KCNA5: variants seen among roughly 807,000 people sequenced by gnomAD.
The protein encoded by KCNA5 is potassium voltage-gated channel subfamily A member 5.
KCNA5 carries 22 observed loss-of-function variants against 26.5 expected under a neutral mutation model. That is an observed-to-expected ratio of 0.83 (90% CI 0.59 to 1.18). KCNA5 has a LOEUF of 1.18. Ranked by LOEUF, KCNA5 falls within the 50% of genes most tolerant of loss-of-function variation. The probability of loss-of-function intolerance (pLI) is 0.00; values close to 1 mark genes in which losing one functional copy is unlikely to be tolerated. For missense variants in KCNA5, 916 were observed against 843.2 expected (o/e 1.09, Z -1.07); for synonymous variants, 465 against 372.8 (o/e 1.25, Z -2.85).
Position 5,045,518 on chromosome 12 carries a change from T to A in KCNA5, c.1371T>A (p.Ala457=). 6.2e-7 allele frequency: 1 copy of A among 1,614,212 alleles called. No homozygotes were observed. Among genetic ancestry groups the A allele is most frequent in the Non-Finnish European group, 8.5e-7 (1 of 1,180,032 alleles). The change falls in exon 1 of 1, where the codon GCT becomes GCA. Residue 457 remains alanine, a synonymous_variant. Coordinates refer to ENST00000252321, the MANE Select transcript of KCNA5 (RefSeq NM_002234.4). This position sits in a 1 kb window ranked among gnomAD's most constrained non-coding sequence, Gnocchi z 5.6. The part of the protein sequence containing the change: ...LFSSAVYFAE[A]DNQGTHFSSI... ...CCAGTGCCGTCTACTTCGCAGAGGC[T>A]GACAACCAGGGAACCCATTTCTCTA...
rs2137774580 is a variant in KCNA5 at position 5,046,445 on chromosome 12, A to C, written c.*456A>C. ...TGGCTTTTTGTACTGTAGTTCAGAT[A>C]GAGATATTTTGGGTATATTTTCAAG... is the stretch of plus-strand genomic sequence containing the variant. On this transcript the variant is annotated 3_prime_UTR_variant, in exon 1 of 1. Coordinates refer to ENST00000252321, the MANE Select transcript of KCNA5 (RefSeq NM_002234.4). 1 of 211,766 alleles carries C rather than the reference A, an allele frequency of 4.7e-6. No individual in the cohort carries two copies. Among genetic ancestry groups the C allele is most frequent in the Admixed American group, 5.3e-5 (1 of 19,006 alleles). 13.1% of individuals were successfully genotyped at this position (211,766 alleles called of 1,614,324 possible).
At position 5,044,084 on chromosome 12, in the gene KCNA5, G is replaced by A. The variant is rs1349127341; in HGVS notation, c.-64G>A. On this transcript the variant is annotated 5_prime_UTR_variant, in exon 1 of 1. Transcript: ENST00000252321. ...CGGAGCCTGACGCCAGGCGCCCGCG[G>A]AGCGTGAGTAGGGGGCGCGGGAGCC... 4 of 1,517,912 alleles carry A rather than the reference G, an allele frequency of 2.6e-6. No individual in the cohort carries two copies. Among genetic ancestry groups the A allele is most frequent in the East Asian group, 2.5e-5 (1 of 40,734 alleles). 94.0% of individuals were successfully genotyped at this position (1,517,912 alleles called of 1,614,324 possible).
rs1322298734 is a variant in KCNA5, at chr12:5,044,002, G to A, written c.-146G>A. On this transcript the variant is annotated 5_prime_UTR_variant, in exon 1 of 1. Coordinates refer to ENST00000252321, the MANE Select transcript of KCNA5 (RefSeq NM_002234.4). ...GCTTCTTGACGTCAGGGCCAAGCGA[G>A]GGGATCGCGCCAGCAACCCCAGCTC... The A allele has an allele frequency of 3.7e-6, 3 of 814,500 alleles. No homozygotes were observed. The highest frequency in any genetic ancestry group is 2.5e-5 in the Admixed American group (1 of 39,548). 50.5% of individuals were successfully genotyped at this position (814,500 alleles called of 1,614,324 possible). A position where few individuals can be genotyped will look rare whatever the true frequency, so the allele number is the denominator to read the frequency against.
rs1200115373 is a variant in KCNA5, at chr12:5,044,562, G to A, written c.415G>A (p.Ala139Thr). 2 of 1,613,868 alleles carry A rather than the reference G, an allele frequency of 1.2e-6. No homozygotes were observed. The highest frequency in any genetic ancestry group is 1.3e-5 in the African/African-American group (1 of 74,952). The change falls in exon 1 of 1, where the codon GCG becomes ACG. Residue 139 changes from alanine to threonine, a missense_variant. By Grantham distance (58) the Ala-to-Thr change is moderately conservative (BLOSUM62 0). Coordinates refer to ENST00000252321, the MANE Select transcript of KCNA5 (RefSeq NM_002234.4). Reference sequence around the variant, plus strand: ...CTTTGAGACGCAGCTGGGCACCCTGGCGCAGTTCCCCAACACACTCCTGGG... The same window carrying A: ...CTTTGAGACGCAGCTGGGCACCCTGACGCAGTTCCCCAACACACTCCTGGG... ...LRFETQLGTL[A>T]QFPNTLLGDP...
chr12:5,044,083 G>A lies in KCNA5; in HGVS notation c.-65G>A, dbSNP rs1431189649. On this transcript the variant is annotated 5_prime_UTR_variant, in exon 1 of 1. Transcript: ENST00000252321. ...GCGGAGCCTGACGCCAGGCGCCCGC[G>A]GAGCGTGAGTAGGGGGCGCGGGAGC... 3 of 1,519,298 alleles carry A rather than the reference G, an allele frequency of 2.0e-6. No individual in the cohort carries two copies. Among genetic ancestry groups the A allele is most frequent in the African/African-American group, 2.8e-5 (2 of 72,542 alleles). 94.1% of individuals were successfully genotyped at this position (1,519,298 alleles called of 1,614,324 possible).
Position 5,045,953 on chromosome 12 carries a change from C to G in KCNA5, c.1806C>G (p.Ala602=). 6.2e-7 allele frequency: 1 copy of G among 1,613,642 alleles called. No homozygotes were observed. The highest frequency in any genetic ancestry group is 8.5e-7 in the Non-Finnish European group (1 of 1,180,032). The change falls in exon 1 of 1, where the codon GCC becomes GCG. Residue 602 remains alanine, a synonymous_variant. Coordinates refer to ENST00000252321, the MANE Select transcript of KCNA5 (RefSeq NM_002234.4). The surrounding 1 kb of genome is among the most constrained non-coding windows in gnomAD (Gnocchi z 5.6). ...TGGACTTGCGGAGGTCCCTTTATGC[C>G]CTCTGCCTGGACACCAGCCGGGAAA... The part of the protein sequence containing the change: ...SNVDLRRSLY[A]LCLDTSRETD...
Position 5,044,043 on chromosome 12 carries a change from C to T in KCNA5, c.-105C>T. On this transcript the variant is annotated 5_prime_UTR_variant, in exon 1 of 1. Transcript: ENST00000252321. ...ACCCCAGCTCTCCCCAGAGAGGGGC[C>T]GGCCGACCGCTGGAGCGGAGCCTGA... The T allele has an allele frequency of 7.6e-7, 1 of 1,323,618 alleles. No homozygotes were observed. The highest frequency in any genetic ancestry group is 1.0e-6 in the Non-Finnish European group (1 of 964,228). The allele number at this position is 1,323,618 out of a possible 1,614,324, so 82.0% of individuals were successfully genotyped here.
Position 5,045,516 on chromosome 12 carries a change from G to C in KCNA5, c.1369G>C (p.Ala457Pro). ...CTCCAGTGCCGTCTACTTCGCAGAGGCTGACAACCAGGGAACCCATTTCTC... is the reference window on the plus strand; with the variant it reads ...CTCCAGTGCCGTCTACTTCGCAGAGCCTGACAACCAGGGAACCCATTTCTC... ...LFSSAVYFAEADNQGTHFSSI... is the reference protein window; with the variant it reads ...LFSSAVYFAEPDNQGTHFSSI... The change falls in exon 1 of 1, where the codon GCT (alanine) becomes CCT (proline). Residue 457 changes from alanine (A) to proline (P), a missense_variant. By Grantham distance (27) the Ala-to-Pro change is conservative. Coordinates refer to ENST00000252321, the MANE Select transcript of KCNA5 (RefSeq NM_002234.4). This position sits in a 1 kb window ranked among gnomAD's most constrained non-coding sequence, Gnocchi z 5.6. 6.2e-7 allele frequency: 1 copy of C among 1,614,196 alleles called. No homozygotes were observed. Among genetic ancestry groups the C allele is most frequent in the Non-Finnish European group, 8.5e-7 (1 of 1,180,044 alleles).
chr12:5,045,233 G>T lies in KCNA5; in HGVS notation c.1086G>T (p.Val362=), dbSNP rs1490193202. ...GGAACATCATGAACATCATCGATGTGGTGGCCATCTTCCCCTACTTCATCA... is the reference window on the plus strand; with the variant it reads ...GGAACATCATGAACATCATCGATGTTGTGGCCATCTTCCCCTACTTCATCA... ...FSRNIMNIID[V]VAIFPYFITL... Residue 362 remains valine (V), a synonymous_variant, in exon 1 of 1, where the codon GTG becomes GTT. Coordinates refer to ENST00000252321, the MANE Select transcript of KCNA5 (RefSeq NM_002234.4). This position sits in a 1 kb window ranked among gnomAD's most constrained non-coding sequence, Gnocchi z 5.6. The T allele has an allele frequency of 6.2e-7, 1 of 1,614,072 alleles. No homozygotes were observed. The highest frequency in any genetic ancestry group is 8.5e-7 in the Non-Finnish European group (1 of 1,180,044).
At position 5,045,265 on chromosome 12, in the gene KCNA5, G is replaced by T. The variant is rs1219418345; in HGVS notation, c.1118G>T (p.Gly373Val). The part of the protein sequence containing the change: ...VAIFPYFITL[G>V]TELAEQQPGG... The stretch of plus-strand genomic sequence containing the variant: ...ATCTTCCCCTACTTCATCACCCTGG[G>T]CACCGAACTGGCAGAGCAGCAGCCA... The change falls in exon 1 of 1, where the codon GGC becomes GTC. Residue 373 changes from glycine to valine, a missense_variant. Physicochemically the swap from Gly to Val is moderately radical, Grantham distance 109. Transcript: ENST00000252321. This position sits in a 1 kb window ranked among gnomAD's most constrained non-coding sequence, Gnocchi z 5.6. 1 of 1,614,222 alleles carries T rather than the reference G, an allele frequency of 6.2e-7. No homozygotes were observed. Among genetic ancestry groups the T allele is most frequent in the Admixed American group, 1.7e-5 (1 of 60,034 alleles).
chr12:5,045,923 C>G lies in KCNA5; in HGVS notation c.1776C>G (p.Ser592Arg). 2 of 1,613,972 alleles carry G rather than the reference C, an allele frequency of 1.2e-6. No homozygotes were observed. Among genetic ancestry groups the G allele is most frequent in the South Asian group, 2.2e-5 (2 of 91,076 alleles). ...AGAAGTGTAACGTCAAGGCCAAGAGCAACGTGGACTTGCGGAGGTCCCTTT... is the reference window on the plus strand; with the variant it reads ...AGAAGTGTAACGTCAAGGCCAAGAGGAACGTGGACTTGCGGAGGTCCCTTT... ...PLEKCNVKAKSNVDLRRSLYA... is the reference protein window; with the variant it reads ...PLEKCNVKAKRNVDLRRSLYA... Residue 592 changes from serine to arginine, a missense_variant, in exon 1 of 1, where the codon AGC becomes AGG. Ser to Arg is a moderately radical substitution (Grantham distance 110). Transcript: ENST00000252321. The surrounding 1 kb of genome is among the most constrained non-coding windows in gnomAD (Gnocchi z 5.6).
chr12:5,046,102 C>T lies in KCNA5; in HGVS notation c.*113C>T. On this transcript the variant is annotated 3_prime_UTR_variant, in exon 1 of 1. Transcript: ENST00000252321. ...GAAGTCACACTGTAACCTCAGTCTA[C>T]CCCTCTCCTTTCACTCCTTTCCTCC... 1 of 1,288,158 alleles carries T rather than the reference C, an allele frequency of 7.8e-7. No individual in the cohort carries two copies. Among genetic ancestry groups the T allele is most frequent in the Non-Finnish European group, 1.1e-6 (1 of 906,902 alleles). The allele number at this position is 1,288,158 out of a possible 1,614,324, so 79.8% of individuals were successfully genotyped here.
Position 5,045,582 on chromosome 12 carries a change from A to T in KCNA5, c.1435A>T (p.Thr479Ser). ...CTTCTGGTGGGCAGTGGTCACCATG[A>T]CCACTGTGGGCTACGGGGACATGAG... ...DAFWWAVVTM[T>S]TVGYGDMRPI... Residue 479 changes from threonine to serine, a missense_variant, in exon 1 of 1, where the codon ACC (threonine) becomes TCC (serine). By Grantham distance (58) the Thr-to-Ser change is moderately conservative. Transcript: ENST00000252321. This position sits in a 1 kb window ranked among gnomAD's most constrained non-coding sequence, Gnocchi z 5.6. 6.2e-7 allele frequency: 1 copy of T among 1,614,156 alleles called. No homozygotes were observed. The highest frequency in any genetic ancestry group is 8.5e-7 in the Non-Finnish European group (1 of 1,180,016).
Position 5,044,838 on chromosome 12 carries a change from G to C in KCNA5, c.691G>C (p.Glu231Gln). 1.2e-6 allele frequency: 2 copies of C among 1,614,042 alleles called. No homozygotes were observed. Among genetic ancestry groups the C allele is most frequent in the Non-Finnish European group, 1.7e-6 (2 of 1,180,028 alleles). Residue 231 changes from glutamate to glutamine, a missense_variant, in exon 1 of 1, where the codon GAG becomes CAG. Physicochemically the swap from Glu to Gln is conservative, Grantham distance 29. Transcript: ENST00000252321. ...AGAGGAGAAGCCCCTGCCCCGCAAC[G>C]AGTTCCAGCGCCAGGTGTGGCTTAT... ...KEEEKPLPRN[E>Q]FQRQVWLIFE...
chr12:5,044,210 G>A lies in KCNA5; in HGVS notation c.63G>A (p.Glu21=). ...GGAMTVRGGD[E]ARAGCGQATG... ...CCATGACCGTCAGAGGAGGCGATGA[G>A]GCCCGGGCAGGCTGCGGCCAGGCCA... Residue 21 remains glutamate, a synonymous_variant, in exon 1 of 1, where the codon GAG becomes GAA. Transcript: ENST00000252321. 6.5e-7 allele frequency: 1 copy of A among 1,537,788 alleles called. No individual in the cohort carries two copies. The highest frequency in any genetic ancestry group is 1.2e-5 in the South Asian group (1 of 84,040).
Position 5,044,257 on chromosome 12 carries a change from C to T in KCNA5, c.110C>T (p.Pro37Leu), listed in dbSNP as rs941518325. The T allele has an allele frequency of 1.9e-6, 3 of 1,540,886 alleles. No individual in the cohort carries two copies. The highest frequency in any genetic ancestry group is 2.6e-6 in the Non-Finnish European group (3 of 1,148,864). ...GCCACAGGGGGAGAGCTCCAGTGTC[C>T]CCCGACGGCTGGGCTCAGCGATGGG... ...GQATGGELQC[P>L]PTAGLSDGPK... is the part of the protein sequence containing the mutation. Residue 37 changes from proline to leucine, a missense_variant, in exon 1 of 1, where the codon CCC (proline) becomes CTC (leucine). Pro to Leu is a moderately conservative substitution (Grantham distance 98, BLOSUM62 -3). Transcript: ENST00000252321.
chr12:5,043,913 G>T lies in KCNA5; in HGVS notation c.-235G>T. ...CGGCTGAAGGTTGCATCTGCTGGAA[G>T]GAGGCTTTTCGGCTGCTTGGTAACG... On this transcript the variant is annotated 5_prime_UTR_variant, in exon 1 of 1. The change creates a new upstream start codon in the 5' untranslated region. Coordinates refer to ENST00000252321, the MANE Select transcript of KCNA5 (RefSeq NM_002234.4). 1.8e-6 allele frequency: 1 copy of T among 567,496 alleles called. No homozygotes were observed. The highest frequency in any genetic ancestry group is 3.1e-6 in the Non-Finnish European group (1 of 322,484). 35.2% of individuals were successfully genotyped at this position (567,496 alleles called of 1,614,324 possible).
In KCNA5 at chr12:5,044,021, C is replaced by T. The variant is rs951169066; in HGVS notation, c.-127C>T. 1.2e-5 allele frequency: 12 copies of T among 1,035,486 alleles called. No homozygotes were observed. The highest frequency in any genetic ancestry group is 1.5e-5 in the Non-Finnish European group (11 of 713,090). The allele number at this position is 1,035,486 out of a possible 1,614,324, so 64.1% of individuals were successfully genotyped here. A position where few individuals can be genotyped will look rare whatever the true frequency, so the allele number is the denominator to read the frequency against. On this transcript the variant is annotated 5_prime_UTR_variant, in exon 1 of 1. Transcript: ENST00000252321. ...AAGCGAGGGGATCGCGCCAGCAACCCCAGCTCTCCCCAGAGAGGGGCCGGC... is the reference window on the plus strand; with the variant it reads ...AAGCGAGGGGATCGCGCCAGCAACCTCAGCTCTCCCCAGAGAGGGGCCGGC...
At position 5,045,185 on chromosome 12, in the gene KCNA5, C is replaced by T; in HGVS notation, c.1038C>T (p.Cys346=). 1.2e-6 allele frequency: 2 copies of T among 1,614,182 alleles called. No homozygotes were observed. The highest frequency in any genetic ancestry group is 1.7e-6 in the Non-Finnish European group (2 of 1,180,030). ...TFELLVRFFA[C]PSKAGFSRNI... is the part of the protein sequence containing the mutation. The stretch of plus-strand genomic sequence containing the variant: ...AGCTGCTCGTGCGCTTCTTCGCCTG[C>T]CCCAGCAAGGCAGGGTTCTCCCGGA... Residue 346 remains cysteine (C), a synonymous_variant, in exon 1 of 1, where the codon TGC becomes TGT. Coordinates refer to ENST00000252321, the MANE Select transcript of KCNA5 (RefSeq NM_002234.4). This position sits in a 1 kb window ranked among gnomAD's most constrained non-coding sequence, Gnocchi z 5.6.
Sources: allele counts gnomAD v4.1 joint callset, GRCh38; gene constraint gnomAD v4.1.1; non-coding constraint Gnocchi (gnomAD v3.1); transcripts MANE v1.5; gene names NCBI Gene and HGNC (gene_info 2026-07-23, HGNC 2026-07-21).